Variants in NAV3 observed in about 807,000 individuals in gnomAD.
The protein encoded by NAV3 is pore membrane and/or filament interacting like protein 1.
Under a neutral mutation model 244.7 loss-of-function variants are expected in NAV3, and 87 were observed. That is an observed-to-expected ratio of 0.36 (90% CI 0.30 to 0.42). The LOEUF (loss-of-function observed/expected upper bound fraction) is 0.42. Among genes scored for constraint, NAV3 ranks in the 20% least tolerant of loss-of-function variants. The pLI, the probability that NAV3 is intolerant of heterozygous loss-of-function variation, is 1.00. For synonymous variants in NAV3, 1,126 were observed against 1,042.2 expected, an observed-to-expected ratio of 1.08 and a Z score of -1.55; for missense variants, 2,663 against 2,893.3, an observed-to-expected ratio of 0.92 and a Z score of 1.83.
chr12:77,953,390 G>GAT (rs1444770177), intron 3 of NAV3, among the ~76,000 whole-genome samples: 2 of 151,934 alleles, frequency 1.3e-5, no homozygotes, highest in African/African-American at 4.8e-5. Context: ...TTCTAGTGTG[G>GAT]ATATATGTGT....
At chr12:77,825,106 T>G (rs1872919723) in intron 2 of NAV3, among the ~76,000 whole-genome samples, 1 of 152,278 alleles carries the variant, frequency 6.6e-6, no homozygotes, top group Admixed American at 6.5e-5. Context: ...AACTAAGAAT[T>G]TTGTACCCAG....
chr12:77,867,309 C>A (rs1880197880), intron 1 of NAV3, among the ~76,000 whole-genome samples: 1 of 152,184 alleles, frequency 6.6e-6, no homozygotes, highest in Non-Finnish European at 1.5e-5. Context: ...GTGCCTTTCG[C>A]CTTCTGCCAT....
intron 5 of NAV3, among the ~76,000 whole-genome samples, chr12:77,978,635 T>C (rs988877130): frequency 6.6e-6 from 1 of 152,196 alleles, no homozygotes; most frequent in Admixed American, 6.5e-5. Context: ...TGTTTTCTAC[T>C]AAAAACTAAC....
intron 2 of NAV3, among the ~76,000 whole-genome samples, chr12:77,813,594 A>C (rs57593126): frequency 6.6e-6 from 1 of 152,176 alleles, no homozygotes; most frequent in African/African-American, 2.4e-5. Flanking sequence ...GCCTATCCCA[A>C]ATCCTAAAGC....
At position 78,190,120 on chromosome 12, in the gene NAV3, T is replaced by C. The variant is rs756715328; in HGVS notation, c.6192T>C (p.Tyr2064=). 6.2e-7 allele frequency: 1 copy of C among 1,613,140 alleles called. No individual in the cohort carries two copies. Among genetic ancestry groups the C allele is most frequent in the South Asian group, 1.1e-5 (1 of 91,058 alleles). Residue 2064 remains tyrosine (Y), a synonymous_variant, in exon 34 of 40, where the codon TAT becomes TAC. Transcript: ENST00000397909. ...GACCGAGTGGTACTGGAAAGACCTA[T>C]TTGGCAAACAAACTTGCTGAATATG... ...LSGPSGTGKT[Y]LANKLAEYVI... is the part of the protein sequence containing the mutation.
At chr12:77,963,985 C>A (rs991520880) in intron 3 of NAV3, among the ~76,000 whole-genome samples, 26 of 144,594 alleles carry the variant, frequency 1.8e-4, no homozygotes, top group Non-Finnish European at 3.5e-4. Context: ...TTCCTCCTCC[C>A]TCCTCCTCCC....
intron 2 of NAV3, among the ~76,000 whole-genome samples, chr12:77,652,858 A>G (rs1354044064): frequency 6.6e-6 from 1 of 152,250 alleles, no homozygotes; most frequent in Non-Finnish European, 1.5e-5. Flanking sequence ...CAAATACTGT[A>G]ATCAGCATGT....
At chr12:78,159,046 G>C (rs939875058) in intron 22 of NAV3, among the ~76,000 whole-genome samples, 157 bp from the exon 23 acceptor site, 1 of 152,160 alleles carries the variant, frequency 6.6e-6, no homozygotes, top group African/African-American at 2.4e-5. Flanking sequence ...ATGAAAATGT[G>C]TGTTAAAGAA....
intron 1 of NAV3, among the ~76,000 whole-genome samples, chr12:77,878,089 T>C (rs1217467653): frequency 6.6e-6 from 1 of 151,876 alleles, no homozygotes; most frequent in Non-Finnish European, 1.5e-5. Context: ...AAGAAACTGG[T>C]AGGAAAAAGA....
chr12:77,707,940 T>C (rs1003140098), intron 2 of NAV3, among the ~76,000 whole-genome samples: 5 of 152,252 alleles, frequency 3.3e-5, no homozygotes, highest in Non-Finnish European at 5.9e-5. Context: ...TTGAGTTCTT[T>C]GTAGATTTTG....
intron 1 of NAV3, among the ~76,000 whole-genome samples, chr12:77,834,057 C>T (rs919332197): frequency 6.6e-6 from 1 of 152,090 alleles, no homozygotes; most frequent in Admixed American, 6.5e-5. Context: ...CCATTTTTGT[C>T]TCTGCCTGCT....
At chr12:78,149,003 T>G in intron 22 of NAV3, 84 bp downstream of exon 22, 3 of 1,151,430 alleles carry the variant, frequency 2.6e-6, no homozygotes, top group Non-Finnish European at 3.8e-6. Flanking sequence ...CTTACAAATT[T>G]TCAGTGCCTG....
intron 7 of NAV3, among the ~76,000 whole-genome samples, chr12:78,002,546 T>A (rs2136494764): frequency 6.6e-6 from 1 of 152,250 alleles, no homozygotes; most frequent in South Asian, 2.1e-4. Context: ...GTCTTTAAAT[T>A]TGGGCAGCTT....
chr12:78,190,274 C>G (rs1958915348), intron 34 of NAV3, 55 bp downstream of exon 34: 1 of 1,418,492 alleles, frequency 7.0e-7, no homozygotes, highest in Non-Finnish European at 9.7e-7. Flanking sequence ...GTGTTTTAAG[C>G]AATCAAATTA....
At chr12:78,198,571 A>T in intron 35 of NAV3, 34 bp from the exon 36 acceptor site, 1 of 1,304,376 alleles carries the variant, frequency 7.7e-7, no homozygotes, top group Non-Finnish European at 1.1e-6. Flanking sequence ...TTTTACCTCC[A>T]GTAAATTAAA....
intron 20 of NAV3, among the ~76,000 whole-genome samples, chr12:78,145,682 T>A (rs1468912327): frequency 6.6e-6 from 1 of 152,182 alleles, no homozygotes; most frequent in African/African-American, 2.4e-5. Flanking sequence ...CAAATTCCTA[T>A]GGCAGTCCTC....
intron 8 of NAV3, among the ~76,000 whole-genome samples, chr12:78,019,691 T>C (rs1418312251): frequency 2.0e-5 from 3 of 151,936 alleles, no homozygotes; most frequent in Non-Finnish European, 2.9e-5. Context: ...CTGTGGAAAG[T>C]GGGTAGAAGA....
Position 77,915,667 on chromosome 12 carries a change from T to C in NAV3, c.244-24652T>C, listed in dbSNP as rs138551860. ...GGTACATTTTCTATATCCCTGAAGA[T>C]AGTTATTTCATCTCTATGAAATAAT... On this transcript the variant is annotated intron_variant, in intron 1 of 39. Transcript: ENST00000397909. 1.4e-3 allele frequency among the ~76,000 whole-genome samples: 206 copies of C among 152,194 alleles called. 1 individual carries two copies. Among genetic ancestry groups the C allele is most frequent in the African/African-American group, 4.7e-3 (195 of 41,560 alleles).
intron 2 of NAV3, among the ~76,000 whole-genome samples, chr12:77,636,900 A>G (rs141258436): frequency 0.02 from 3,068 of 152,210 alleles, 71 homozygotes; most frequent in African/African-American, 0.054. Flanking sequence ...ACAGAAAACC[A>G]AACACCGTAT....
Sources: allele counts gnomAD v4.1 joint callset (sites outside exome capture counted in the v4.1 genomes callset), GRCh38; gene constraint gnomAD v4.1.1; transcripts MANE v1.5; gene names NCBI Gene and HGNC (gene_info 2026-07-23, HGNC 2026-07-21).